The following MOB3B variants were observed in gnomAD, a reference collection of about 807,000 sequenced individuals.
MOB3B encodes MOB kinase activator 3B.
MOB3B carries 7 observed loss-of-function variants against 18.7 expected under a neutral mutation model. The observed-to-expected ratio is 0.37, with a 90% confidence interval of 0.21 to 0.70. The LOEUF is 0.70. Among genes scored for constraint, MOB3B ranks in the 30% least tolerant of loss-of-function variants. The pLI is 0.52. For missense variants in MOB3B, 253 were observed against 281.3 expected, an observed-to-expected ratio of 0.90 and a Z score of 0.72; for synonymous variants, 111 against 99.9, an observed-to-expected ratio of 1.11 and a Z score of -0.66.
intron 3 of MOB3B, among the ~76,000 whole-genome samples, chr9:27,336,625 C>T (rs556275823): frequency 8.5e-5 from 13 of 152,234 alleles, no homozygotes; most frequent in African/African-American, 1.7e-4. Flanking sequence ...GTGAGCAGTA[C>T]GCCTCTCTCA....
intron 3 of MOB3B, among the ~76,000 whole-genome samples, chr9:27,357,867 C>T (rs1821213702): frequency 9.7e-6 from 1 of 102,984 alleles, no homozygotes; most frequent in Admixed American, 1.4e-4. Context: ...GCCTAGTCAA[C>T]ATAATGAGAT....
intron 1 of MOB3B, among the ~76,000 whole-genome samples, chr9:27,463,723 A>C (rs536857232): frequency 7.9e-5 from 12 of 152,262 alleles, no homozygotes; most frequent in African/African-American, 2.9e-4. Context: ...CACTTTGGGA[A>C]GCTGAGCCAG....
chr9:27,393,615 A>T (rs1385891929), intron 2 of MOB3B, among the ~76,000 whole-genome samples: 1 of 152,166 alleles, frequency 6.6e-6, no homozygotes, highest in Non-Finnish European at 1.5e-5. Context: ...CTCTGCAAGG[A>T]ATTTAAGAAA....
At chr9:27,473,064 G>A (rs1049184672) in intron 1 of MOB3B, among the ~76,000 whole-genome samples, 1 of 152,172 alleles carries the variant, frequency 6.6e-6, no homozygotes, top group Non-Finnish European at 1.5e-5. Context: ...CAATGAACTG[G>A]TCCTCATTTG....
intron 2 of MOB3B, among the ~76,000 whole-genome samples, chr9:27,422,967 G>A (rs924884012): frequency 1.3e-5 from 2 of 152,200 alleles, no homozygotes; most frequent in Admixed American, 6.5e-5. Flanking sequence ...TGGAAAGAAG[G>A]TGAATATTAG....
chr9:27,397,238 G>T (rs898536281), intron 2 of MOB3B: 45 of 151,440 alleles, frequency 3.0e-4, no homozygotes, highest in African/African-American at 1.0e-3. Flanking sequence ...TAACTCAATC[G>T]TTCCAAGTCA....
At chr9:27,529,099 G>T (rs566044354) in intron 1 of MOB3B, among the ~76,000 whole-genome samples, 1 of 152,164 alleles carries the variant, frequency 6.6e-6, no homozygotes, top group African/African-American at 2.4e-5. Flanking sequence ...CCTCCCTCAG[G>T]ATCAGGACGC....
At chr9:27,357,189 T>A (rs1257531647) in intron 3 of MOB3B, among the ~76,000 whole-genome samples, 2 of 138,092 alleles carry the variant, frequency 1.4e-5, no homozygotes, top group Non-Finnish European at 3.1e-5. Flanking sequence ...GAATAATAAA[T>A]TTCAAGGTGA....
intron 2 of MOB3B, among the ~76,000 whole-genome samples, chr9:27,376,244 C>T (rs1233920494): frequency 6.6e-6 from 1 of 152,222 alleles, no homozygotes; most frequent in Non-Finnish European, 1.5e-5. Flanking sequence ...TCTTCTTGTA[C>T]ATATCTTTGA....
At chr9:27,444,267 G>A (rs1254987174) in intron 2 of MOB3B, among the ~76,000 whole-genome samples, 2 of 128,970 alleles carry the variant, frequency 1.6e-5, no homozygotes, top group Non-Finnish European at 3.3e-5. Context: ...AAGGAAGGAA[G>A]GAGGGAGGGA....
At chr9:27,461,508 C>T (rs1328842477) in intron 1 of MOB3B, among the ~76,000 whole-genome samples, 1 of 152,210 alleles carries the variant, frequency 6.6e-6, no homozygotes, top group Non-Finnish European at 1.5e-5. Context: ...AACCTTGCTG[C>T]CTCATTTTAA....
chr9:27,381,833 A>G (rs75318027), intron 2 of MOB3B, among the ~76,000 whole-genome samples: 2 of 152,096 alleles, frequency 1.3e-5, no homozygotes, highest in Non-Finnish European at 2.9e-5. Context: ...TTATGTAGAG[A>G]TGACGTCTCG....
rs58851638 is a variant in MOB3B at position 27,357,888 on chromosome 9, C to CAAA, written c.621+1143_621+1145dup. ...TCAACATAATGAGATCCCATCGCTACAAAAAAAAAAAAAAAAAAAAAAAAA... is the reference window on the plus strand; with the variant it reads ...TCAACATAATGAGATCCCATCGCTACAAAAAAAAAAAAAAAAAAAAAAAAAAAA... On this transcript the variant is annotated intron_variant, in intron 3 of 3. Coordinates refer to ENST00000262244, the MANE Select transcript of MOB3B (RefSeq NM_024761.5). 4.6e-3 allele frequency among the ~76,000 whole-genome samples: 268 copies of CAAA among 57,936 alleles called. 3 individuals are homozygous for CAAA. The highest frequency in any genetic ancestry group is 5.8e-3 in the African/African-American group (94 of 16,126). The allele number at this position is 57,936 out of a possible 152,430, so 38.0% of individuals were successfully genotyped here.
chr9:27,459,054 A>G (rs1819237637), intron 1 of MOB3B, among the ~76,000 whole-genome samples: 1 of 151,688 alleles, frequency 6.6e-6, no homozygotes, highest in African/African-American at 2.4e-5. Flanking sequence ...AGGATGGATA[A>G]TAACAGATGT....
intron 1 of MOB3B, among the ~76,000 whole-genome samples, chr9:27,482,486 A>C (rs1819675525): frequency 6.6e-6 from 1 of 152,168 alleles, no homozygotes; most frequent in South Asian, 2.1e-4. Context: ...AATCCACAAC[A>C]TTCACCTTAA....
intron 1 of MOB3B, chr9:27,526,332 G>A (rs973347627): frequency 3.9e-5 from 6 of 152,324 alleles, no homozygotes; most frequent in African/African-American, 2.4e-5. Flanking sequence ...AAATGAGTTA[G>A]TGCAAACCAT....
At chr9:27,341,454 C>T (rs1256892802) in intron 3 of MOB3B, among the ~76,000 whole-genome samples, 1 of 152,186 alleles carries the variant, frequency 6.6e-6, no homozygotes, top group Admixed American at 6.5e-5. Flanking sequence ...AATGTGCTTC[C>T]TCAGTGAGCC....
At chr9:27,474,965 T>C (rs909212051) in intron 1 of MOB3B, among the ~76,000 whole-genome samples, 1 of 152,176 alleles carries the variant, frequency 6.6e-6, no homozygotes, top group Non-Finnish European at 1.5e-5. Flanking sequence ...TCTGATTGAG[T>C]GAAGGCTGGA....
intron 1 of MOB3B, among the ~76,000 whole-genome samples, chr9:27,509,280 G>A (rs1304400344): frequency 6.6e-6 from 1 of 152,014 alleles, no homozygotes; most frequent in African/African-American, 2.4e-5. Context: ...TAGGAAGGAA[G>A]GGAGGAAGGA....
Sources: allele counts gnomAD v4.1 joint callset (sites outside exome capture counted in the v4.1 genomes callset), GRCh38; gene constraint gnomAD v4.1.1; transcripts MANE v1.5; gene names NCBI Gene and HGNC (gene_info 2026-07-23, HGNC 2026-07-21).